The following DSCAM variants were observed in gnomAD, a reference collection of about 807,000 sequenced individuals.
The protein encoded by DSCAM is cell adhesion molecule DSCAM.
DSCAM carries 47 observed loss-of-function variants against 217.7 expected under a neutral mutation model. The observed-to-expected ratio is 0.22, with a 90% CI of 0.17 to 0.28. DSCAM has a LOEUF of 0.28. DSCAM is among the 10% of genes least tolerant of loss of function. The pLI, the probability that DSCAM is intolerant of heterozygous loss-of-function variation, is 1.00. For synonymous variants in DSCAM, 1,056 were observed against 1,015.3 expected (o/e 1.04, Z -0.76); for missense variants, 2,080 against 2,618.3 (o/e 0.79, Z 4.49).
chr21:40,068,783 C>G (rs1033725802), intron 27 of DSCAM, among the ~76,000 whole-genome samples: 1 of 152,216 alleles, frequency 6.6e-6, no homozygotes, highest in Non-Finnish European at 1.5e-5. Flanking sequence ...TCAGTTTTCA[C>G]GTCAGAAAAT....
intron 1 of DSCAM, among the ~76,000 whole-genome samples, chr21:40,771,855 T>G (rs2091447589): frequency 6.6e-6 from 1 of 152,246 alleles, no homozygotes; most frequent in Non-Finnish European, 1.5e-5. Context: ...CAGTTAATTT[T>G]ACACGCACAT....
At chr21:40,229,456 A>G (rs1482310063) in intron 11 of DSCAM, among the ~76,000 whole-genome samples, 2 of 152,184 alleles carry the variant, frequency 1.3e-5, no homozygotes, top group Admixed American at 1.3e-4. Flanking sequence ...TGGTTGCATT[A>G]TCATACATAA....
chr21:40,388,700 A>G (rs1371219603), intron 3 of DSCAM, among the ~76,000 whole-genome samples: 1 of 152,196 alleles, frequency 6.6e-6, no homozygotes, highest in Non-Finnish European at 1.5e-5. Flanking sequence ...TACAACTCTA[A>G]GCACTGCAAA....
rs1569050962 is a variant in DSCAM at position 40,301,608 on chromosome 21, G to GTCTGGTACCACAGCCTTTATTACA, written c.2063-5435_2063-5434insTGTAATAAAGGCTGTGGTACCAGA. 1.3e-4 allele frequency among the ~76,000 whole-genome samples: 17 copies of GTCTGGTACCACAGCCTTTATTACA among 128,708 alleles called. 2 individuals carry two copies. The highest frequency in any genetic ancestry group is 9.1e-4 in the East Asian group (4 of 4,404). 84.4% of individuals were successfully genotyped at this position (128,708 alleles called of 152,430 possible). ...AATTACTTACCATAGCCTTTATTAC[G>GTCTGGTACCACAGCCTTTATTACA]CTCATCTGGTATTGCTGTTTAACAG... is the stretch of plus-strand genomic sequence containing the variant. On this transcript the variant is annotated intron_variant, in intron 9 of 32. Coordinates refer to ENST00000400454, the MANE Select transcript of DSCAM (RefSeq NM_001389.5).
intron 3 of DSCAM, among the ~76,000 whole-genome samples, chr21:40,605,956 A>G (rs1237330193): frequency 6.6e-6 from 1 of 151,072 alleles, no homozygotes; most frequent in Non-Finnish European, 1.5e-5. Flanking sequence ...ATGTGCCACC[A>G]CGCCCAGCTA....
intron 15 of DSCAM, among the ~76,000 whole-genome samples, chr21:40,178,365 A>G (rs1003060032): frequency 1.3e-5 from 2 of 152,180 alleles, no homozygotes; most frequent in Admixed American, 6.5e-5. Flanking sequence ...CCTTCTCCAC[A>G]ATGCTTATCT....
intron 11 of DSCAM, 57 bp downstream of exon 11, chr21:40,276,040 G>C: frequency 6.9e-7 from 1 of 1,448,278 alleles, no homozygotes; most frequent in South Asian, 1.6e-5. Context: ...GAAAAAGGAA[G>C]CCCCCAGAGA....
chr21:40,175,566 T>A (rs935250611), intron 15 of DSCAM, among the ~76,000 whole-genome samples: 9 of 152,034 alleles, frequency 5.9e-5, no homozygotes, highest in African/African-American at 1.9e-4. Context: ...TAAGTGATCT[T>A]ATTGGGCCTT....
chr21:40,726,744 A>G lies in DSCAM; in HGVS notation c.44-17973T>C, dbSNP rs1273613850. On this transcript the variant is annotated intron_variant, in intron 1 of 32. Transcript: ENST00000400454. ...TGCCCCCACTCGAACTCATGTTGAA[A>G]TTTAATCCCCAATGTGGCAGTATTG... Among the ~76,000 whole-genome samples, 3 of 152,186 alleles carry G rather than the reference A, an allele frequency of 2.0e-5. No individual in the cohort carries two copies. In the South Asian group the frequency reaches 6.2e-4, roughly 31 times the overall value.
intron 3 of DSCAM, among the ~76,000 whole-genome samples, chr21:40,498,339 C>A (rs1464093578): frequency 6.6e-6 from 1 of 151,872 alleles, no homozygotes; most frequent in African/African-American, 2.4e-5. Context: ...TACGCCACAC[C>A]TGCTCTGCAA....
rs544366263 is a variant in DSCAM at position 40,844,758 on chromosome 21, A to C, written c.43+1861T>G. 3.3e-5 allele frequency among the ~76,000 whole-genome samples: 5 copies of C among 151,524 alleles called. No homozygotes were observed. In the South Asian group the frequency reaches 1.0e-3, roughly 31 times the overall value. On this transcript the variant is annotated intron_variant, in intron 1 of 32. Transcript: ENST00000400454. ...TATAGCATCTCTGTATCAGAGGCTA[A>C]TAGTCTGTATCAGTATCATAAATTC...
At chr21:40,620,474 A>AGGG (rs2089496122) in intron 3 of DSCAM, among the ~76,000 whole-genome samples, 1 of 146,880 alleles carries the variant, frequency 6.8e-6, no homozygotes, top group East Asian at 2.1e-4. Context: ...AAGGAAGGAA[A>AGGG]AAGGGAAGGG....
At position 40,104,764 on chromosome 21, in the gene DSCAM, A is replaced by G. The variant is rs530904971; in HGVS notation, c.3697-10890T>C. On this transcript the variant is annotated intron_variant, in intron 20 of 32. Coordinates refer to ENST00000400454, the MANE Select transcript of DSCAM (RefSeq NM_001389.5). ...TACAAATGCACCACTTTATTGGGGG[A>G]TGTCGATAGTGGGGGAGGCTGTGCA... Among the ~76,000 whole-genome samples, 6 of 152,190 alleles carry G rather than the reference A, an allele frequency of 3.9e-5. 1 individual carries two copies. In the South Asian group the frequency reaches 1.2e-3, roughly 32 times the overall value.
intron 11 of DSCAM, among the ~76,000 whole-genome samples, chr21:40,254,464 A>C (rs2073345162): frequency 1.3e-5 from 2 of 152,222 alleles, no homozygotes; most frequent in Admixed American, 1.3e-4. Flanking sequence ...CGCATACAAA[A>C]TGATACAGTT....
intron 20 of DSCAM, among the ~76,000 whole-genome samples, chr21:40,122,315 T>C (rs1301969954): frequency 6.6e-6 from 1 of 152,114 alleles, no homozygotes; most frequent in Non-Finnish European, 1.5e-5. Flanking sequence ...ATAAGATGAT[T>C]GAGAAGACAA....
At chr21:40,604,037 TCTC>T (rs1296520642) in intron 3 of DSCAM, among the ~76,000 whole-genome samples, 2 of 151,940 alleles carry the variant, frequency 1.3e-5, no homozygotes, top group Admixed American at 1.3e-4. Flanking sequence ...TGCTCCCTTT[TCTC>T]CTTTTTCTGG....
intron 11 of DSCAM, among the ~76,000 whole-genome samples, chr21:40,242,248 ATAAAG>A (rs965174478): frequency 4.7e-4 from 71 of 152,330 alleles, no homozygotes; most frequent in African/African-American, 1.6e-3. Flanking sequence ...AATCAAGTAA[ATAAAG>A]TAATGTTTTA....
chr21:40,108,785 C>T (rs1213931167), intron 20 of DSCAM, among the ~76,000 whole-genome samples: 2 of 152,262 alleles, frequency 1.3e-5, no homozygotes, highest in Admixed American at 6.5e-5. Context: ...CAGCATGGTT[C>T]TGGTACAAGA....
intron 11 of DSCAM, among the ~76,000 whole-genome samples, chr21:40,273,440 T>A (rs73904759): frequency 6.6e-6 from 1 of 152,170 alleles, no homozygotes; most frequent in Admixed American, 6.5e-5. Flanking sequence ...ACTTTAAATG[T>A]TCTCCTCTCC....
Sources: allele counts gnomAD v4.1 joint callset (sites outside exome capture counted in the v4.1 genomes callset), GRCh38; gene constraint gnomAD v4.1.1; transcripts MANE v1.5; gene names NCBI Gene and HGNC (gene_info 2026-07-23, HGNC 2026-07-21).